PTPRT: variants seen among roughly 807,000 people sequenced by gnomAD.
PTPRT encodes the protein receptor-type tyrosine-protein phosphatase T.
In PTPRT, 56 loss-of-function variants were observed where a neutral mutation model predicts 176.8. That is an observed-to-expected ratio of 0.32 (90% CI 0.26 to 0.40). The LOEUF (loss-of-function observed/expected upper bound fraction) is 0.40. Ranked by LOEUF, PTPRT falls within the 10% of genes least tolerant of loss-of-function variation. The pLI, the probability that PTPRT is intolerant of heterozygous loss-of-function variation, is 1.00. For synonymous variants in PTPRT, 783 were observed against 739.0 expected (o/e 1.06, Z -0.96); for missense variants, 1,540 against 1,908.2 (o/e 0.81, Z 3.60).
rs1166962391 is a variant in PTPRT, at chr20:42,794,555, G to A, written c.215-3089C>T. ...TGTCCCAGAGCTCAAGAGCCTAGGA[G>A]AGGGCAGTGCACCATAAAAGAAGCC... On this transcript the variant is annotated intron_variant, in intron 2 of 30. Transcript: ENST00000373187. Among the ~76,000 whole-genome samples, 4 of 152,298 alleles carry A rather than the reference G, an allele frequency of 2.6e-5. No individual in the cohort carries two copies. In the East Asian group the frequency reaches 7.7e-4, roughly 29 times the overall value.
chr20:42,833,851 C>T (rs1202987836), intron 2 of PTPRT, among the ~76,000 whole-genome samples: 1 of 152,156 alleles, frequency 6.6e-6, no homozygotes, highest in Non-Finnish European at 1.5e-5. Flanking sequence ...TGACCTATAC[C>T]TCTCACTATA....
intron 7 of PTPRT, among the ~76,000 whole-genome samples, chr20:42,481,721 G>A (rs538271219): frequency 5.2e-4 from 78 of 150,266 alleles, no homozygotes; most frequent in African/African-American, 1.8e-3. Context: ...CCTCAGCCTG[G>A]GAGACAGAGC....
In PTPRT at chr20:42,531,560, G is replaced by A. The variant is rs139770930; in HGVS notation, c.1154-58998C>T. Among the ~76,000 whole-genome samples the A allele has an allele frequency of 2.2e-3, 342 of 152,304 alleles. 2 individuals are homozygous for A. The highest frequency in any genetic ancestry group is 6.2e-3 in the African/African-American group (257 of 41,580). ...ACTGAATGCCTCCTGGCTGCCAGGC[G>A]CCCTTGGCTGCAGCCTCCAACAGTT... On this transcript the variant is annotated intron_variant, in intron 7 of 30. Coordinates refer to ENST00000373187, the MANE Select transcript of PTPRT (RefSeq NM_007050.6).
intron 7 of PTPRT, among the ~76,000 whole-genome samples, chr20:42,509,662 C>T (rs2071918729): frequency 6.7e-6 from 1 of 148,780 alleles, no homozygotes; most frequent in South Asian, 2.1e-4. Flanking sequence ...TGCAGAATAG[C>T]TCAGGATTCT....
At chr20:42,906,248 C>A (rs511805) in intron 1 of PTPRT, among the ~76,000 whole-genome samples, 9,310 of 152,066 alleles carry the variant, frequency 0.061, 805 homozygotes, top group African/African-American at 0.19. Flanking sequence ...CAGAAGACCA[C>A]ACTGGCAGAC....
intron 1 of PTPRT, among the ~76,000 whole-genome samples, chr20:42,992,335 C>A (rs1476269012): frequency 6.6e-6 from 1 of 152,200 alleles, no homozygotes; most frequent in East Asian, 1.9e-4. Context: ...TATATAGTGT[C>A]AATGCACATC....
intron 7 of PTPRT, among the ~76,000 whole-genome samples, chr20:42,484,374 T>G (rs1048796905): frequency 6.6e-6 from 1 of 152,224 alleles, no homozygotes; most frequent in Non-Finnish European, 1.5e-5. Context: ...TAACTACAAT[T>G]ACTCCCTAAA....
chr20:42,901,989 T>C (rs983903375), intron 1 of PTPRT, among the ~76,000 whole-genome samples: 1 of 152,304 alleles, frequency 6.6e-6, no homozygotes, highest in East Asian at 1.9e-4. Flanking sequence ...CTGTAAAGAC[T>C]GAAATATTTA....
chr20:42,670,959 G>A (rs891978976), intron 7 of PTPRT, among the ~76,000 whole-genome samples: 1 of 152,118 alleles, frequency 6.6e-6, no homozygotes, highest in African/African-American at 2.4e-5. Context: ...TTTCAAGGAG[G>A]CCTATTTGAG....
intron 17 of PTPRT, among the ~76,000 whole-genome samples, chr20:42,148,260 ATTTTTT>A (rs34255255): frequency 8.8e-6 from 1 of 114,078 alleles, no homozygotes; most frequent in Non-Finnish European, 1.8e-5. Context: ...CAAGGCAGTC[ATTTTTT>A]TTTTTTTTTT....
intron 1 of PTPRT, among the ~76,000 whole-genome samples, chr20:43,073,480 T>TACACACAC (rs11471693): frequency 4.0e-5 from 6 of 149,594 alleles, no homozygotes; most frequent in African/African-American, 1.2e-4. Context: ...TATATATATA[T>TACACACAC]ACACACACAC....
chr20:42,738,664 G>A (rs1270435877), intron 6 of PTPRT, among the ~76,000 whole-genome samples: 1 of 152,128 alleles, frequency 6.6e-6, no homozygotes, highest in Non-Finnish European at 1.5e-5. Flanking sequence ...GAAGATTACT[G>A]GGGCATAACA....
chr20:42,695,995 G>C (rs1328012884), intron 6 of PTPRT, among the ~76,000 whole-genome samples: 1 of 151,968 alleles, frequency 6.6e-6, no homozygotes, highest in South Asian at 2.1e-4. Flanking sequence ...TTAGAGAGTG[G>C]GCTGGACCTA....
intron 2 of PTPRT, among the ~76,000 whole-genome samples, chr20:42,830,623 A>C (rs2078068238): frequency 6.6e-6 from 1 of 152,170 alleles, no homozygotes; most frequent in African/African-American, 2.4e-5. Context: ...GAAGAAATAA[A>C]GGGCATCCAA....
intron 7 of PTPRT, among the ~76,000 whole-genome samples, chr20:42,598,528 A>G (rs2073716503): frequency 6.6e-6 from 1 of 152,218 alleles, no homozygotes; most frequent in African/African-American, 2.4e-5. Context: ...GGAAGACACA[A>G]AATTTTAATA....
chr20:42,613,275 T>C (rs1481806984), intron 7 of PTPRT, among the ~76,000 whole-genome samples: 1 of 152,224 alleles, frequency 6.6e-6, no homozygotes, highest in Non-Finnish European at 1.5e-5. Context: ...GCTGTCCATA[T>C]GATTTTAATC....
At chr20:42,061,384 T>C in the PTPRT span, among the ~76,000 whole-genome samples, 1 of 152,180 alleles carries the variant, frequency 6.6e-6, no homozygotes, top group Non-Finnish European at 1.5e-5. Context: ...GAGAAGCTCA[T>C]GGACTAGTTG....
chr20:42,983,400 T>C (rs1442095368), intron 1 of PTPRT, among the ~76,000 whole-genome samples: 2 of 152,148 alleles, frequency 1.3e-5, no homozygotes, highest in East Asian at 3.9e-4. Flanking sequence ...GTTTAATCCC[T>C]TAATCAACCC....
At chr20:43,152,896 A>T (rs1183472265) in intron 1 of PTPRT, among the ~76,000 whole-genome samples, 1 of 152,182 alleles carries the variant, frequency 6.6e-6, no homozygotes, top group Non-Finnish European at 1.5e-5. Context: ...CAAAACCTGA[A>T]ATGGAGATTG....
Sources: gnomAD v4.1 joint callset for allele counts (sites outside exome capture counted in the v4.1 genomes callset) on GRCh38, gnomAD v4.1.1 for gene constraint, MANE v1.5 for transcripts, NCBI Gene and HGNC (gene_info 2026-07-23, HGNC 2026-07-21) for gene names.